The following MKRN2 variants were observed in gnomAD, a reference collection of about 807,000 sequenced individuals.
MKRN2 encodes E3 ubiquitin-protein ligase makorin-2.
MKRN2 carries 32 observed loss-of-function variants against 45.4 expected under a neutral mutation model. The observed-to-expected ratio is 0.70, with a 90% CI of 0.53 to 0.95. The LOEUF (loss-of-function observed/expected upper bound fraction) is 0.95. Among genes scored for constraint, MKRN2 ranks in the 40% least tolerant of loss-of-function variants. MKRN2 has a pLI of 0.00. For synonymous variants in MKRN2, 206 were observed against 192.4 expected, an observed-to-expected ratio of 1.07 and a Z score of -0.59; for missense variants, 526 against 536.7, an observed-to-expected ratio of 0.98 and a Z score of 0.20.
At position 12,557,124 on chromosome 3, in the gene MKRN2, C is replaced by A; in HGVS notation, c.-27C>A. On this transcript the variant is annotated 5_prime_UTR_variant, in exon 1 of 8. Transcript: ENST00000170447. ...GCAGCGGCTGCGAGAGGCGGCGGCA[C>A]GACGACGGTCCCTCAGCCCAGCCAC... The A allele has an allele frequency of 2.7e-6, 4 of 1,496,766 alleles. No individual in the cohort carries two copies. The highest frequency in any genetic ancestry group is 3.6e-6 in the Non-Finnish European group (4 of 1,125,536). 92.7% of individuals were successfully genotyped at this position (1,496,766 alleles called of 1,614,324 possible).
In MKRN2 at chr3:12,582,194, A is replaced by C; in HGVS notation, c.1192A>C (p.Met398Leu). The C allele has an allele frequency of 6.2e-7, 1 of 1,614,180 alleles. No homozygotes were observed. Among genetic ancestry groups the C allele is most frequent in the Non-Finnish European group, 8.5e-7 (1 of 1,180,044 alleles). Residue 398 changes from methionine (M) to leucine (L), a missense_variant, in exon 8 of 8, where the codon ATG (methionine) becomes CTG (leucine). Transcript: ENST00000170447. Reference protein sequence around the residue: ...RHVPNNEDVDMTELGDLFMHL... With the variant: ...RHVPNNEDVDLTELGDLFMHL... ...TGTCCCCAACAATGAAGATGTCGAC[A>C]TGACAGAGCTCGGGGACCTCTTCAT...
Position 12,557,199 on chromosome 3 carries a change from C to T in MKRN2, c.26+23C>T, listed in dbSNP as rs752684024. 5.4e-4 allele frequency: 821 copies of T among 1,533,014 alleles called. 2 individuals are homozygous for T. Among genetic ancestry groups the T allele is most frequent in the Non-Finnish European group, 6.1e-4 (693 of 1,141,942 alleles). 95.0% of individuals were successfully genotyped at this position (1,533,014 alleles called of 1,614,324 possible). A position where few individuals can be genotyped will look rare whatever the true frequency, so the allele number is the denominator to read the frequency against. On this transcript the variant is annotated intron_variant, in intron 1 of 7. Transcript: ENST00000170447. Reference sequence around the variant, plus strand: ...CAGGTCAGTGCGCTGGAGCCAGGAGCTTCGGGCCGCTCCCCCAGGCCGCAG... The same window carrying T: ...CAGGTCAGTGCGCTGGAGCCAGGAGTTTCGGGCCGCTCCCCCAGGCCGCAG...
intron 6 of MKRN2, among the ~76,000 whole-genome samples, chr3:12,581,181 G>A (rs1349028271): frequency 6.6e-6 from 1 of 152,194 alleles, no homozygotes; most frequent in Non-Finnish European, 1.5e-5. Context: ...TTTGGTCACT[G>A]TATGCTGTAG....
intron 6 of MKRN2, among the ~76,000 whole-genome samples, chr3:12,577,749 C>G (rs942395977): frequency 2.0e-5 from 3 of 151,960 alleles, no homozygotes; most frequent in African/African-American, 7.3e-5. Context: ...AATCTCGGCT[C>G]ACTGCAACCT....
intron 1 of MKRN2, among the ~76,000 whole-genome samples, chr3:12,557,466 G>A (rs1037613550): frequency 1.6e-4 from 24 of 152,386 alleles, no homozygotes; most frequent in African/African-American, 5.3e-4. Context: ...GGCCGTGCAG[G>A]ATGCCGGGGC....
At position 12,575,014 on chromosome 3, in the gene MKRN2, C is replaced by T. The variant is rs79652487; in HGVS notation, c.857+8C>T. On this transcript the variant is annotated splice_region_variant and intron_variant, in intron 5 of 7. Transcript: ENST00000170447. The stretch of plus-strand genomic sequence containing the variant: ...TGAAAACCCAATCATTAAGTAAGTA[C>T]AGCCAGGGGTCTTAGCTGTGGGAGC... The T allele has an allele frequency of 4.2e-4, 669 of 1,611,104 alleles. 10 individuals are homozygous for T. In the East Asian group the frequency reaches 0.014, roughly 33 times the overall value.
intron 1 of MKRN2, among the ~76,000 whole-genome samples, chr3:12,564,205 C>T (rs993795252): frequency 6.6e-5 from 10 of 152,142 alleles, no homozygotes; most frequent in African/African-American, 2.4e-4. Flanking sequence ...CTCGGCCTCC[C>T]ACAGTTCTGG....
chr3:12,562,437 T>G lies in MKRN2; in HGVS notation c.26+5261T>G, dbSNP rs141463976. On this transcript the variant is annotated intron_variant, in intron 1 of 7. Transcript: ENST00000170447. ...TTCTGTGCATTTATAAAATCGGTAT[T>G]GTAAATAACAGGAACTCTAAGTTTC... 2.0e-5 allele frequency among the ~76,000 whole-genome samples: 3 copies of G among 152,330 alleles called. No homozygotes were observed. The East Asian group carries it at 5.8e-4, about 29-fold the overall frequency.
Position 12,582,204 on chromosome 3 carries a change from T to C in MKRN2, c.1202T>C (p.Leu401Pro), listed in dbSNP as rs2058186834. Residue 401 changes from leucine (L) to proline (P), a missense_variant, in exon 8 of 8, where the codon CTC becomes CCC. By Grantham distance (98) the Leu-to-Pro change is moderately conservative. Coordinates refer to ENST00000170447, the MANE Select transcript of MKRN2 (RefSeq NM_014160.5). ...PNNEDVDMTE[L>P]GDLFMHLSGV... ...AATGAAGATGTCGACATGACAGAGC[T>C]CGGGGACCTCTTCATGCACCTTTCT... 6.2e-7 allele frequency: 1 copy of C among 1,613,990 alleles called. No individual in the cohort carries two copies. Among genetic ancestry groups the C allele is most frequent in the Non-Finnish European group, 8.5e-7 (1 of 1,179,990 alleles).
chr3:12,579,644 G>A (rs897409553), intron 6 of MKRN2, among the ~76,000 whole-genome samples: 22 of 152,186 alleles, frequency 1.4e-4, no homozygotes, highest in African/African-American at 5.1e-4. Flanking sequence ...CTGTCTGTAG[G>A]GGGAAGTGAT....
intron 1 of MKRN2, among the ~76,000 whole-genome samples, chr3:12,566,377 GTTTGT>G (rs559674835): frequency 2.0e-5 from 3 of 152,056 alleles, no homozygotes; most frequent in African/African-American, 7.2e-5. Context: ...TTTCAGTTGG[GTTTGT>G]TTTGTTTTGT....
Position 12,575,737 on chromosome 3 carries a change from G to A in MKRN2, c.857+731G>A, listed in dbSNP as rs376006394. ...ATCCGCTTTCTGTCTCTACAGAGTT[G>A]CCTATTCTGGACACTTCTTATAAAT... is the stretch of plus-strand genomic sequence containing the variant. On this transcript the variant is annotated intron_variant, in intron 5 of 7. Coordinates refer to ENST00000170447, the MANE Select transcript of MKRN2 (RefSeq NM_014160.5). Among the ~76,000 whole-genome samples, 4 of 152,310 alleles carry A rather than the reference G, an allele frequency of 2.6e-5. No individual in the cohort carries two copies. In the East Asian group the frequency reaches 5.8e-4, roughly 22 times the overall value.
At chr3:12,569,124 A>G (rs1377419199) in intron 2 of MKRN2, 121 bp downstream of exon 2, 12 of 1,267,838 alleles carry the variant, frequency 9.5e-6, no homozygotes, top group Non-Finnish European at 1.3e-5. Flanking sequence ...ATGGCAAATA[A>G]GTTTAAAACC....
At chr3:12,577,713 T>C (rs1401687794) in intron 6 of MKRN2, among the ~76,000 whole-genome samples, 1 of 152,130 alleles carries the variant, frequency 6.6e-6, no homozygotes, top group African/African-American at 2.4e-5. Flanking sequence ...TTCACTCTTG[T>C]TGCCCAGGCT....
intron 3 of MKRN2, among the ~76,000 whole-genome samples, chr3:12,571,644 A>G (rs897100486): frequency 6.6e-6 from 1 of 152,210 alleles, no homozygotes; most frequent in Non-Finnish European, 1.5e-5. Flanking sequence ...TGCTCTAGAC[A>G]TCTATTCTAG....
chr3:12,583,672 G>A lies in MKRN2; in HGVS notation c.*1419G>A, dbSNP rs1169713723. 8.6e-6 allele frequency: 2 copies of A among 233,182 alleles called. No individual in the cohort carries two copies. The highest frequency in any genetic ancestry group is 4.4e-5 in the African/African-American group (2 of 45,330). The allele number at this position is 233,182 out of a possible 1,614,324, so 14.4% of individuals were successfully genotyped here. A position where few individuals can be genotyped will look rare whatever the true frequency, so the allele number is the denominator to read the frequency against. On this transcript the variant is annotated 3_prime_UTR_variant, in exon 8 of 8. Transcript: ENST00000170447. ...ACCATCAGATAACTGTATTTTGTCA[G>A]GTGCAATAAAAACAAAATTAAAACC...
chr3:12,576,227 G>A (rs1196894061), intron 5 of MKRN2, among the ~76,000 whole-genome samples: 1 of 140,320 alleles, frequency 7.1e-6, no homozygotes, highest in African/African-American at 2.9e-5. Flanking sequence ...GTGTGTGTGT[G>A]TGTATTTTTT....
intron 3 of MKRN2, 22 bp from the exon 4 acceptor site, chr3:12,572,047 G>A (rs578142444): frequency 2.6e-6 from 4 of 1,565,758 alleles, no homozygotes; most frequent in African/African-American, 1.4e-5. Flanking sequence ...TCATGTGCAT[G>A]TGTGCTGTGT....
chr3:12,561,554 G>A (rs1412324603), intron 1 of MKRN2, among the ~76,000 whole-genome samples: 1 of 152,176 alleles, frequency 6.6e-6, no homozygotes, highest in Non-Finnish European at 1.5e-5. Flanking sequence ...GGAGGCTGAG[G>A]TAGGAAGATC....
Sources: allele counts gnomAD v4.1 joint callset (sites outside exome capture counted in the v4.1 genomes callset), GRCh38; gene constraint gnomAD v4.1.1; transcripts MANE v1.5; gene names NCBI Gene and HGNC (gene_info 2026-07-23, HGNC 2026-07-21).